LSS: variants seen among roughly 807,000 people sequenced by gnomAD.
LSS encodes 2,3-epoxysqualene-lanosterol cyclase.
Under a neutral mutation model 110.3 loss-of-function variants are expected in LSS, and 90 were observed. That is an observed-to-expected ratio of 0.82 (90% CI 0.69 to 0.97). The LOEUF (loss-of-function observed/expected upper bound fraction) is 0.97, where lower values mean the gene tolerates loss of function less well. LSS is among the 50% of genes least tolerant of loss of function. LSS has a pLI of 0.00. For synonymous variants in LSS, 433 were observed against 400.0 expected, an observed-to-expected ratio of 1.08 and a Z score of -0.98; for missense variants, 927 against 990.0, an observed-to-expected ratio of 0.94 and a Z score of 0.85.
chr21:46,222,092 A>G, intron 4 of LSS, 117 bp from the exon 5 acceptor site: 1 of 1,175,552 alleles, frequency 8.5e-7, no homozygotes, highest in Non-Finnish European at 1.2e-6. Context: ...CCTTAACCTG[A>G]CATAACATGC....
In LSS at chr21:46,204,629, A is replaced by AAAAAGAAAG. The variant is rs562044132; in HGVS notation, c.1670+1206_1670+1207insCTTTCTTTT. Among the ~76,000 whole-genome samples, 350 of 151,748 alleles carry AAAAAGAAAG rather than the reference A, an allele frequency of 2.3e-3. 1 individual carries two copies. Among genetic ancestry groups the AAAAAGAAAG allele is most frequent in the Non-Finnish European group, 4.3e-3 (295 of 67,908 alleles). ...GAGAGCTAGAACCCATCTCAAAAAAAAAAGAAAGAAAGAAAGAAAGAAAGA... is the reference window on the plus strand; with the variant it reads ...GAGAGCTAGAACCCATCTCAAAAAAAAAAAGAAAGAAAGAAAGAAAGAAAGAAAGAAAGA... On this transcript the variant is annotated intron_variant, in intron 17 of 21. Transcript: ENST00000397728.
chr21:46,189,504 C>T lies in LSS; in HGVS notation c.*1600G>A, dbSNP rs1167118781. 2 of 367,230 alleles carry T rather than the reference C, an allele frequency of 5.4e-6. No homozygotes were observed. Among genetic ancestry groups the T allele is most frequent in the Admixed American group, 6.6e-5 (2 of 30,146 alleles). The allele number at this position is 367,230 out of a possible 1,614,324, so 22.7% of individuals were successfully genotyped here. On this transcript the variant is annotated 3_prime_UTR_variant, in exon 22 of 22. Coordinates refer to ENST00000397728, the MANE Select transcript of LSS (RefSeq NM_002340.6). Reference sequence around the variant, plus strand: ...CCCTGCAGGGCTCTGAGCAGGCAGGCGAGTCCCAAGGAGAGTCAGTGACAG... The same window carrying T: ...CCCTGCAGGGCTCTGAGCAGGCAGGTGAGTCCCAAGGAGAGTCAGTGACAG...
intron 17 of LSS, 127 bp from the exon 18 acceptor site, chr21:46,196,394 G>C: frequency 1.3e-6 from 1 of 754,288 alleles, no homozygotes; most frequent in Non-Finnish European, 2.3e-6. Context: ...AAAATAAACA[G>C]TTTACACAGA....
chr21:46,195,173 AGG>A (rs2079892874), intron 19 of LSS, among the ~76,000 whole-genome samples: 1 of 152,204 alleles, frequency 6.6e-6, no homozygotes. Flanking sequence ...GTATGCCTGG[AGG>A]GGCCGGAGAC....
Position 46,209,736 on chromosome 21 carries a change from C to A in LSS, c.1195-111G>T. ...TCCTGCCCCAACCGGGGACCAGAAT[C>A]AAACCAGCAGACATCTCCAGAGAGT... On this transcript the variant is annotated intron_variant, in intron 12 of 21. Transcript: ENST00000397728. The surrounding 1 kb of genome is among the most constrained non-coding windows in gnomAD (Gnocchi z 4.4). The A allele has an allele frequency of 1.2e-6, 1 of 869,284 alleles. No homozygotes were observed. The highest frequency in any genetic ancestry group is 1.6e-5 in the South Asian group (1 of 64,468). The allele number at this position is 869,284 out of a possible 1,614,324, so 53.8% of individuals were successfully genotyped here.
rs1296638465 is a variant in LSS at position 46,196,253 on chromosome 21, T to C, written c.1685A>G (p.Gln562Arg). 1.9e-6 allele frequency: 3 copies of C among 1,614,004 alleles called. No individual in the cohort carries two copies. Among genetic ancestry groups the C allele is most frequent in the East Asian group, 2.2e-5 (1 of 44,898 alleles). ...RAAEIRETLT[Q>R]GLEFCRRQQR... ...CTGCCGCCGACAGAACTCTAAGCCC[T>C]GCGTGAGGGTCTCCCTGGAACACGA... The change falls in exon 18 of 22, where the codon CAG becomes CGG. Residue 562 changes from glutamine to arginine, a missense_variant. Gln to Arg is a conservative substitution (Grantham distance 43, BLOSUM62 1). Transcript: ENST00000397728.
intron 9 of LSS, 116 bp downstream of exon 9, chr21:46,215,064 G>A: frequency 3.7e-6 from 3 of 812,552 alleles, no homozygotes; most frequent in East Asian, 2.4e-5. Flanking sequence ...CTCCCAAATG[G>A]AGGTACACCA....
Position 46,228,611 on chromosome 21 carries a change from C to T in LSS, c.15-12G>A, listed in dbSNP as rs377100419. On this transcript the variant is annotated splice_polypyrimidine_tract_variant and intron_variant, in intron 1 of 21. Transcript: ENST00000397728. ...GGCGCCGCAGACACCTGAGGACCACCGGCCATCAGCGACCCAGGCCCCGCC... is the reference window on the plus strand; with the variant it reads ...GGCGCCGCAGACACCTGAGGACCACTGGCCATCAGCGACCCAGGCCCCGCC... 1,589 of 1,591,286 alleles carry T rather than the reference C, an allele frequency of 1.0e-3. 4 individuals carry two copies. The highest frequency in any genetic ancestry group is 1.2e-3 in the Admixed American group (70 of 59,166).
chr21:46,191,052 C>A lies in LSS; in HGVS notation c.*52G>T. 1 of 1,607,934 alleles carries A rather than the reference C, an allele frequency of 6.2e-7. No homozygotes were observed. The highest frequency in any genetic ancestry group is 1.1e-5 in the South Asian group (1 of 90,776). ...GGAGGGCTCCCCAACCCGGCCAGGA[C>A]CCCTTGGCCTCACTGGAACGCACAG... On this transcript the variant is annotated 3_prime_UTR_variant, in exon 22 of 22. Coordinates refer to ENST00000397728, the MANE Select transcript of LSS (RefSeq NM_002340.6).
intron 6 of LSS, among the ~76,000 whole-genome samples, chr21:46,217,693 C>G (rs988966919): frequency 1.3e-5 from 2 of 152,248 alleles, no homozygotes; most frequent in Admixed American, 1.3e-4. Flanking sequence ...TGCGGCAGCA[C>G]TGACCGACGG....
At position 46,188,804 on chromosome 21, in the gene LSS, C is replaced by G. The variant is rs747934070; in HGVS notation, c.*2300G>C. On this transcript the variant is annotated 3_prime_UTR_variant, in exon 22 of 22. Transcript: ENST00000397728. ...CGAAGAGGGCAGGGAATCGCTGCGT[C>G]CTGTGACTTGAAGGCCACTGTGAAG... The G allele has an allele frequency of 5.4e-4, 253 of 469,552 alleles. 2 individuals are homozygous for G. The highest frequency in any genetic ancestry group is 4.6e-4 in the Non-Finnish European group (103 of 225,618). 29.1% of individuals were successfully genotyped at this position (469,552 alleles called of 1,614,324 possible).
intron 10 of LSS, among the ~76,000 whole-genome samples, 172 bp downstream of exon 10, chr21:46,213,566 A>C (rs889969702): frequency 6.6e-6 from 1 of 152,114 alleles, no homozygotes; most frequent in Admixed American, 6.5e-5. Flanking sequence ...AAATCTTCCA[A>C]TTCAAAGACA....
chr21:46,207,316 T>C (rs1165048381), intron 15 of LSS, 112 bp downstream of exon 15: 1 of 1,347,656 alleles, frequency 7.4e-7, no homozygotes, highest in South Asian at 1.4e-5. Context: ...GACAAGCTCC[T>C]ACGGCCTGGC....
chr21:46,208,486 A>G (rs2080084200), intron 13 of LSS, among the ~76,000 whole-genome samples, 185 bp from the exon 14 acceptor site: 1 of 152,182 alleles, frequency 6.6e-6, no homozygotes, highest in Non-Finnish European at 1.5e-5. Context: ...TGTTTAGCTC[A>G]CCACCCACAG....
In LSS at chr21:46,227,595, C is replaced by A. The variant is rs1262597669; in HGVS notation, c.276G>T (p.Gly92=). 1 of 1,614,038 alleles carries A rather than the reference C, an allele frequency of 6.2e-7. No individual in the cohort carries two copies. The highest frequency in any genetic ancestry group is 2.2e-5 in the East Asian group (1 of 44,878). The part of the protein sequence containing the change: ...TFYVGLQAED[G]HWTGDYGGPL... Reference sequence around the variant, plus strand: ...GGCCACCATAATCACCCGTCCAGTGCCCATCCTCAGCCTGCAGCCCCACGT... The same window carrying A: ...GGCCACCATAATCACCCGTCCAGTGACCATCCTCAGCCTGCAGCCCCACGT... The change falls in exon 3 of 22, where the codon GGG becomes GGT. Residue 92 remains glycine (G), a synonymous_variant. Coordinates refer to ENST00000397728, the MANE Select transcript of LSS (RefSeq NM_002340.6).
Position 46,216,429 on chromosome 21 carries a change from A to G in LSS, c.743T>C (p.Leu248Pro), listed in dbSNP as rs1260995701. 4 of 1,613,828 alleles carry G rather than the reference A, an allele frequency of 2.5e-6. No homozygotes were observed. In the South Asian group the frequency reaches 4.4e-5, roughly 18 times the overall value. ...GACCAGCGGGTCTTCCGCGGCACTC[A>G]GCCGAACGGCGTAGCAGTAGCTCAT... ...LPMSYCYAVR[L>P]SAAEDPLVQS... Residue 248 changes from leucine to proline, a missense_variant, in exon 7 of 22, where the codon CTG becomes CCG. Transcript: ENST00000397728. This position sits in a 1 kb window ranked among gnomAD's most constrained non-coding sequence, Gnocchi z 4.2.
chr21:46,203,678 C>G (rs1325423875), intron 17 of LSS, among the ~76,000 whole-genome samples: 2 of 152,222 alleles, frequency 1.3e-5, no homozygotes, highest in Non-Finnish European at 2.9e-5. Context: ...GCCAGGCCGA[C>G]AGAAGACCCT....
At chr21:46,210,119 T>C (rs985298825) in intron 12 of LSS, among the ~76,000 whole-genome samples, 1 of 137,586 alleles carries the variant, frequency 7.3e-6, no homozygotes, top group African/African-American at 2.8e-5. Flanking sequence ...CAGGCTGGAG[T>C]GCAGTGGCAC....
At position 46,189,768 on chromosome 21, in the gene LSS, G is replaced by A; in HGVS notation, c.*1336C>T. The A allele has an allele frequency of 2.2e-6, 1 of 456,762 alleles. No homozygotes were observed. The highest frequency in any genetic ancestry group is 1.6e-5 in the South Asian group (1 of 64,466). 28.3% of individuals were successfully genotyped at this position (456,762 alleles called of 1,614,324 possible). On this transcript the variant is annotated 3_prime_UTR_variant, in exon 22 of 22. Coordinates refer to ENST00000397728, the MANE Select transcript of LSS (RefSeq NM_002340.6). Reference sequence around the variant, plus strand: ...CAGGGAGGGGAAGAGCAGATAAGGAGGTATAGGGTGTGCCCTGGGCAAGGC... The same window carrying A: ...CAGGGAGGGGAAGAGCAGATAAGGAAGTATAGGGTGTGCCCTGGGCAAGGC...
Sources: gnomAD v4.1 joint callset for allele counts (sites outside exome capture counted in the v4.1 genomes callset) on GRCh38, gnomAD v4.1.1 for gene constraint, Gnocchi (gnomAD v3.1) non-coding constraint, MANE v1.5 for transcripts, NCBI Gene and HGNC (gene_info 2026-07-23, HGNC 2026-07-21) for gene names.